The following MBOAT7 variants were observed in gnomAD, a reference collection of about 807,000 sequenced individuals.
The protein encoded by MBOAT7 is membrane bound acylglycerophosphatidylinositol O-acyltransferase MBOAT7.
In MBOAT7, 40 loss-of-function variants were observed where a neutral mutation model predicts 47.4. The ratio of observed to expected loss-of-function variants is 0.84; its 90% CI spans 0.66 to 1.10. The LOEUF is 1.10. MBOAT7 is among the 50% of genes least tolerant of loss of function. The pLI is 0.00. For synonymous variants in MBOAT7, 361 were observed against 292.0 expected, an observed-to-expected ratio of 1.24 and a Z score of -2.41; for missense variants, 680 against 655.6, an observed-to-expected ratio of 1.04 and a Z score of -0.41.
chr19:54,188,018 AAAG>A (rs2076484483), intron 3 of MBOAT7, among the ~76,000 whole-genome samples, 196 bp downstream of exon 3: 10,518 of 96,250 alleles, frequency 0.11, 608 homozygotes, highest in Admixed American at 0.15. Context: ...TCCATCTCAG[AAAG>A]AAAGAAAGAA....
At chr19:54,188,018 AAAGAAAGAAAGAAAGAAAG>A (rs2076484773) in intron 3 of MBOAT7, among the ~76,000 whole-genome samples, 180 bp downstream of exon 3, 5,247 of 96,524 alleles carry the variant, frequency 0.054, 444 homozygotes, top group African/African-American at 0.17. Context: ...TCCATCTCAG[AAAGAAAGAAAGAAAGAAAG>A]AAAGAAAGAA....
intron 3 of MBOAT7, 125 bp from the exon 4 acceptor site, chr19:54,187,412 A>T: frequency 8.2e-7 from 1 of 1,221,428 alleles, no homozygotes; most frequent in Non-Finnish European, 1.1e-6. Context: ...GAAACACAGA[A>T]GGGCAGAGAG....
At chr19:54,178,336 A>G (rs1230466421) in intron 7 of MBOAT7, 19 of 1,063,216 alleles carry the variant, frequency 1.8e-5, no homozygotes, top group Non-Finnish European at 2.0e-5. Flanking sequence ...CAGGCCTCAC[A>G]TTAAATACAT....
chr19:54,180,688 C>T lies in MBOAT7; in HGVS notation c.854+85G>A. ...GGTGGTGGCCCTGGCCCCTTGCTCC[C>T]CGCTCTCCTCCCGGCTAGGGGCAGA... On this transcript the variant is annotated intron_variant, in intron 6 of 7. Transcript: ENST00000245615. The surrounding 1 kb of genome is among the most constrained non-coding windows in gnomAD (Gnocchi z 5.2). 7.6e-7 allele frequency: 1 copy of T among 1,318,862 alleles called. No homozygotes were observed. The highest frequency in any genetic ancestry group is 1.0e-6 in the Non-Finnish European group (1 of 995,742). The allele number at this position is 1,318,862 out of a possible 1,614,324, so 81.7% of individuals were successfully genotyped here.
At chr19:54,177,408 G>A (rs1055511963) in intron 7 of MBOAT7, among the ~76,000 whole-genome samples, 143 of 151,668 alleles carry the variant, frequency 9.4e-4, no homozygotes, top group African/African-American at 3.3e-3. Context: ...CCATTCTCCT[G>A]CCTCAGCCTC....
rs1417300004 is a variant in MBOAT7, at chr19:54,189,477, C to G, written c.-143G>C. 1 of 152,506 alleles carries G rather than the reference C, an allele frequency of 6.6e-6. No homozygotes were observed. The highest frequency in any genetic ancestry group is 1.5e-5 in the Non-Finnish European group (1 of 68,192). 9.4% of individuals were successfully genotyped at this position (152,506 alleles called of 1,614,324 possible). ...GCCCGCCGGGCTGCGCAGATCAGGC[C>G]GGGGAAGAAGCCACGGTCAGGGCCC... On this transcript the variant is annotated 5_prime_UTR_variant, in exon 1 of 8. Transcript: ENST00000245615.
At chr19:54,187,641 A>G (rs1041456358) in intron 3 of MBOAT7, among the ~76,000 whole-genome samples, 1 of 152,216 alleles carries the variant, frequency 6.6e-6, no homozygotes, top group African/African-American at 2.4e-5. Flanking sequence ...CAGCAGACAC[A>G]CTGTCCACCT....
At chr19:54,175,351 C>A (rs1275914704) in intron 7 of MBOAT7, among the ~76,000 whole-genome samples, 1 of 152,142 alleles carries the variant, frequency 6.6e-6, no homozygotes, top group Non-Finnish European at 1.5e-5. Context: ...ACATACAAAT[C>A]CTTGTCCCCA....
At position 54,175,213 on chromosome 19, in the gene MBOAT7, C is replaced by G. The variant is rs550981488; in HGVS notation, c.1032-782G>C. On this transcript the variant is annotated intron_variant, in intron 7 of 7. Coordinates refer to ENST00000245615, the MANE Select transcript of MBOAT7 (RefSeq NM_024298.5). ...CAGGATGGTCTCGATCTCCTGACCT[C>G]GTGATCTGCCCGCCTTGGCCTCCCA... Among the ~76,000 whole-genome samples the G allele has an allele frequency of 2.0e-5, 3 of 152,252 alleles. No homozygotes were observed. In the East Asian group the frequency reaches 5.8e-4, roughly 29 times the overall value.
Position 54,177,900 on chromosome 19 carries a change from G to GTTTTTTTT in MBOAT7, c.1031+857_1031+864dup, listed in dbSNP as rs761565984. 4.1e-3 allele frequency among the ~76,000 whole-genome samples: 315 copies of GTTTTTTTT among 75,962 alleles called. 85 individuals are homozygous for GTTTTTTTT. The highest frequency in any genetic ancestry group is 8.5e-3 in the East Asian group (22 of 2,574). 49.8% of individuals were successfully genotyped at this position (75,962 alleles called of 152,430 possible). ...ATGCCTGGCTATGAGTTCTACTTCTGTTTTTTTTTTTTTTTTTTTTTTTTT... is the reference window on the plus strand; with the variant it reads ...ATGCCTGGCTATGAGTTCTACTTCTGTTTTTTTTTTTTTTTTTTTTTTTTTTTTTTTTT... On this transcript the variant is annotated intron_variant, in intron 7 of 7. Transcript: ENST00000245615.
At chr19:54,186,858 G>A in intron 4 of MBOAT7, 1 of 407,652 alleles carries the variant, frequency 2.5e-6, no homozygotes. Context: ...TGGCTACAGA[G>A]ATTCAAGGAC....
At chr19:54,179,105 A>G (rs2076198128) in intron 6 of MBOAT7, 164 bp from the exon 7 acceptor site, 1 of 929,038 alleles carries the variant, frequency 1.1e-6, no homozygotes, top group Admixed American at 2.6e-5. Flanking sequence ...GGTGGCCCAG[A>G]GGGTGCCTGT....
intron 6 of MBOAT7, chr19:54,179,243 T>G: frequency 2.0e-6 from 1 of 492,064 alleles, no homozygotes; most frequent in Non-Finnish European, 3.6e-6. Context: ...AAGCTATGAG[T>G]CCTTTAGCAA....
At chr19:54,188,668 C>T (rs1600685646) in intron 1 of MBOAT7, among the ~76,000 whole-genome samples, 157 bp from the exon 2 acceptor site, 1 of 152,024 alleles carries the variant, frequency 6.6e-6, no homozygotes, top group African/African-American at 2.4e-5. Flanking sequence ...CCTAGCAACC[C>T]AGACTCCAGC....
chr19:54,187,060 T>G, intron 4 of MBOAT7, 101 bp downstream of exon 4: 3 of 1,369,920 alleles, frequency 2.2e-6, no homozygotes, highest in Non-Finnish European at 2.0e-6. Flanking sequence ...CCAGGGTGTG[T>G]TGGAGGTAAA....
At chr19:54,179,034 G>T in intron 6 of MBOAT7, 93 bp from the exon 7 acceptor site, 1 of 1,509,432 alleles carries the variant, frequency 6.6e-7, no homozygotes, top group South Asian at 1.3e-5. Flanking sequence ...GGATGCTAAG[G>T]AAGGGATCCT....
rs374088267 is a variant in MBOAT7, at chr19:54,174,353, C to T, written c.1110G>A (p.Pro370=). 17 of 1,612,128 alleles carry T rather than the reference C, an allele frequency of 1.1e-5. No homozygotes were observed. Among genetic ancestry groups the T allele is most frequent in the East Asian group, 2.2e-5 (1 of 44,810 alleles). Residue 370 remains proline, a synonymous_variant, in exon 8 of 8, where the codon CCG becomes CCA. Transcript: ENST00000245615. ...PGYYLSFLTI[P]LCLAAEGRLE... is the part of the protein sequence containing the mutation. ...GCCGGCCCTCGGCAGCCAGGCACAG[C>T]GGGATGGTCAGGAAGCTCAGGTAGT...
chr19:54,185,548 C>A (rs997933450), intron 4 of MBOAT7, among the ~76,000 whole-genome samples: 10 of 152,314 alleles, frequency 6.6e-5, no homozygotes, highest in African/African-American at 2.4e-4. Context: ...CTCAGACCTA[C>A]CCACAGCCAG....
At chr19:54,175,144 T>C (rs1600625995) in intron 7 of MBOAT7, among the ~76,000 whole-genome samples, 1 of 151,892 alleles carries the variant, frequency 6.6e-6, no homozygotes, top group African/African-American at 2.4e-5. Context: ...CCCGGCTAAT[T>C]TTCTTTTCTA....
Sources: gnomAD v4.1 joint callset for allele counts (sites outside exome capture counted in the v4.1 genomes callset) on GRCh38, gnomAD v4.1.1 for gene constraint, Gnocchi (gnomAD v3.1) non-coding constraint, MANE v1.5 for transcripts, NCBI Gene and HGNC (gene_info 2026-07-23, HGNC 2026-07-21) for gene names.